KIF26B: variants seen among roughly 807,000 people sequenced by gnomAD.
KIF26B encodes kinesin-like protein KIF26B.
Under a neutral mutation model 151.2 loss-of-function variants are expected in KIF26B, and 63 were observed. The observed-to-expected ratio is 0.42, with a 90% CI of 0.34 to 0.51. The LOEUF (loss-of-function observed/expected upper bound fraction) is 0.51. Ranked by LOEUF, KIF26B falls within the 20% of genes least tolerant of loss-of-function variation. KIF26B has a pLI of 0.07. For synonymous variants in KIF26B, 1,357 were observed against 1,262.1 expected, an observed-to-expected ratio of 1.08 and a Z score of -1.59; for missense variants, 2,813 against 2,913.6, an observed-to-expected ratio of 0.97 and a Z score of 0.79.
chr1:245,225,972 G>A (rs1316968091), intron 2 of KIF26B: 1 of 152,208 alleles, frequency 6.6e-6, no homozygotes, highest in Non-Finnish European at 1.5e-5. Flanking sequence ...GTTTCACTGA[G>A]CACATCATGT....
chr1:245,441,400 A>G (rs1184379268), intron 4 of KIF26B, among the ~76,000 whole-genome samples: 4 of 152,156 alleles, frequency 2.6e-5, no homozygotes, highest in Non-Finnish European at 1.5e-5. Context: ...CTTTTTCCCA[A>G]GATATCTGTA....
At chr1:245,262,210 A>G (rs780647770) in intron 2 of KIF26B, among the ~76,000 whole-genome samples, 6 of 152,198 alleles carry the variant, frequency 3.9e-5, no homozygotes, top group African/African-American at 4.8e-5. Context: ...GACAGCCACT[A>G]TGAAAGCAAC....
At chr1:245,558,063 A>T (rs1282732221) in intron 5 of KIF26B, among the ~76,000 whole-genome samples, 1 of 152,174 alleles carries the variant, frequency 6.6e-6, no homozygotes, top group South Asian at 2.1e-4. Flanking sequence ...CCAGTGGGTG[A>T]TCAACTACAG....
intron 14 of KIF26B, among the ~76,000 whole-genome samples, chr1:245,700,015 C>T (rs1277850793): frequency 6.6e-6 from 1 of 152,232 alleles, no homozygotes; most frequent in Non-Finnish European, 1.5e-5. Context: ...ACTGCAGTCT[C>T]GCAGCAGCTG....
chr1:245,593,175 T>G (rs1239612041), intron 5 of KIF26B, among the ~76,000 whole-genome samples: 3 of 152,216 alleles, frequency 2.0e-5, no homozygotes, highest in Non-Finnish European at 2.9e-5. Flanking sequence ...GGTTTGTTTT[T>G]TGTTTTTTAA....
At chr1:245,616,121 C>A (rs1041578082) in intron 9 of KIF26B, among the ~76,000 whole-genome samples, 11 of 152,170 alleles carry the variant, frequency 7.2e-5, no homozygotes, top group Non-Finnish European at 1.2e-4. Flanking sequence ...TAATTTTACA[C>A]ACAAATGCAT....
chr1:245,374,529 C>G (rs1381677081), intron 3 of KIF26B, among the ~76,000 whole-genome samples: 1 of 152,050 alleles, frequency 6.6e-6, no homozygotes, highest in East Asian at 1.9e-4. Flanking sequence ...GCTCATCCAG[C>G]CACTTGTGCC....
chr1:245,277,664 T>C (rs1242833001), intron 2 of KIF26B, among the ~76,000 whole-genome samples: 1 of 152,108 alleles, frequency 6.6e-6, no homozygotes, highest in Non-Finnish European at 1.5e-5. Flanking sequence ...AAAAGAAACG[T>C]CCTAAAAGCT....
chr1:245,505,129 G>T (rs960938814), intron 4 of KIF26B, among the ~76,000 whole-genome samples: 2 of 151,450 alleles, frequency 1.3e-5, no homozygotes, highest in African/African-American at 4.9e-5. Context: ...GTAGAGACGG[G>T]GTTTCACCAT....
intron 4 of KIF26B, among the ~76,000 whole-genome samples, chr1:245,489,845 G>A (rs1660363831): frequency 1.3e-5 from 2 of 152,190 alleles, no homozygotes. Flanking sequence ...CTTACAGTGT[G>A]CTTGGAACTT....
At chr1:245,598,006 G>A (rs998745163) in intron 5 of KIF26B, among the ~76,000 whole-genome samples, 3 of 152,010 alleles carry the variant, frequency 2.0e-5, no homozygotes, top group African/African-American at 7.2e-5. Context: ...TCTCTAAACT[G>A]GCTATTCTAG....
At chr1:245,426,892 TG>T (rs1658662077) in intron 4 of KIF26B, among the ~76,000 whole-genome samples, 1 of 152,244 alleles carries the variant, frequency 6.6e-6, no homozygotes, top group African/African-American at 2.4e-5. Context: ...CTTGCTGTGA[TG>T]GTTTCAGCAA....
intron 2 of KIF26B, among the ~76,000 whole-genome samples, chr1:245,191,950 A>G (rs545647281): frequency 6.6e-6 from 1 of 152,196 alleles, no homozygotes; most frequent in Non-Finnish European, 1.5e-5. Flanking sequence ...TCTTTCATAT[A>G]ATGAAGGATA....
intron 2 of KIF26B, among the ~76,000 whole-genome samples, chr1:245,224,923 T>C (rs1248767621): frequency 6.6e-6 from 1 of 152,242 alleles, no homozygotes; most frequent in Non-Finnish European, 1.5e-5. Context: ...CAAAGATGAA[T>C]AGCCATAATT....
chr1:245,159,331 G>A (rs1668497871), intron 2 of KIF26B, among the ~76,000 whole-genome samples: 1 of 152,162 alleles, frequency 6.6e-6, no homozygotes, highest in Non-Finnish European at 1.5e-5. Flanking sequence ...AGCACATCCA[G>A]GAACCTTAAT....
intron 2 of KIF26B, among the ~76,000 whole-genome samples, chr1:245,240,282 T>TTA (rs1371473847): frequency 3.9e-5 from 6 of 152,158 alleles, no homozygotes; most frequent in Non-Finnish European, 7.3e-5. Flanking sequence ...CACATTCGCT[T>TTA]TATTTTTCTC....
chr1:245,580,601 G>A (rs893797550), intron 5 of KIF26B, among the ~76,000 whole-genome samples: 1 of 152,214 alleles, frequency 6.6e-6, no homozygotes, highest in African/African-American at 2.4e-5. Flanking sequence ...CAGAGGGCAA[G>A]GGGGTTCTGC....
intron 4 of KIF26B, among the ~76,000 whole-genome samples, chr1:245,461,030 C>T (rs570530633): frequency 2.2e-4 from 33 of 152,258 alleles, no homozygotes; most frequent in Admixed American, 1.8e-3. Flanking sequence ...CCAGCACAGG[C>T]GTTCTGGGGT....
At chr1:245,510,976 C>T (rs2103083991) in intron 4 of KIF26B, 1 of 658,080 alleles carries the variant, frequency 1.5e-6, no homozygotes, top group Admixed American at 2.5e-5. Flanking sequence ...GCCTTTCCTC[C>T]TTCACCTTCG....
Sources: allele counts gnomAD v4.1 joint callset (sites outside exome capture counted in the v4.1 genomes callset), GRCh38; gene constraint gnomAD v4.1.1; transcripts MANE v1.5; gene names NCBI Gene and HGNC (gene_info 2026-07-23, HGNC 2026-07-21).